Variants in GSE1 observed in about 807,000 individuals in gnomAD.
The protein encoded by GSE1 is Gse1 coiled-coil protein.
In GSE1, 32 loss-of-function variants were observed where a neutral mutation model predicts 112.6. The ratio of observed to expected loss-of-function variants is 0.28; its 90% CI spans 0.21 to 0.38. GSE1 has a LOEUF of 0.38. Among genes scored for constraint, GSE1 ranks in the 10% least tolerant of loss-of-function variants. The pLI, the probability that GSE1 is intolerant of heterozygous loss-of-function variation, is 1.00. For synonymous variants in GSE1, 1,115 were observed against 735.6 expected, an observed-to-expected ratio of 1.52 and a Z score of -8.35; for missense variants, 2,348 against 1,699.2, an observed-to-expected ratio of 1.38 and a Z score of -6.71.
intron 2 of GSE1, among the ~76,000 whole-genome samples, chr16:85,381,496 C>T (rs1285344151): frequency 2.0e-5 from 3 of 152,132 alleles, no homozygotes; most frequent in Non-Finnish European, 4.4e-5. Context: ...TGATAGGCCA[C>T]GGTATCCTTT....
intron 2 of GSE1, among the ~76,000 whole-genome samples, chr16:85,381,530 C>T (rs916944326): frequency 2.6e-5 from 4 of 152,204 alleles, no homozygotes; most frequent in African/African-American, 4.8e-5. Flanking sequence ...CAAGCACATA[C>T]GTAGCTCTTG....
chr16:85,642,049 G>A (rs1356993769), intron 2 of GSE1, among the ~76,000 whole-genome samples: 9 of 152,248 alleles, frequency 5.9e-5, no homozygotes, highest in South Asian at 2.1e-4. Context: ...AGCCTACACC[G>A]GCTGAGGGCC....
rs2151733210 is a variant in GSE1, at chr16:85,419,047, G to A, written c.2464+61404G>A. ...ACACTGTGCGGAGATCCAACTGGCAGTTGGATATTTGAGTCTGGAGCTATG... is the reference window on the plus strand; with the variant it reads ...ACACTGTGCGGAGATCCAACTGGCAATTGGATATTTGAGTCTGGAGCTATG... On this transcript the variant is annotated intron_variant, in intron 2 of 2. Transcript: ENST00000637419. The surrounding 1 kb of genome is among the most constrained non-coding windows in gnomAD (Gnocchi z 6.5). Among the ~76,000 whole-genome samples the A allele has an allele frequency of 6.6e-6, 1 of 152,304 alleles. No individual in the cohort carries two copies. Among genetic ancestry groups the A allele is most frequent in the Middle Eastern group, 3.4e-3 (1 of 294 alleles).
At chr16:85,665,156 C>T (rs1176393147) in intron 12 of GSE1, 28 bp downstream of exon 12, 2 of 1,337,704 alleles carry the variant, frequency 1.5e-6, no homozygotes, top group South Asian at 1.2e-5. Flanking sequence ...CCACCTGCCA[C>T]CACCCAGGAC....
At chr16:85,635,510 CT>C (rs1436965046) in intron 2 of GSE1, among the ~76,000 whole-genome samples, 2 of 148,804 alleles carry the variant, frequency 1.3e-5, no homozygotes, top group Admixed American at 6.7e-5. Context: ...CCTGGACTCT[CT>C]GGGGCGGTGA....
At chr16:85,456,695 T>C (rs1022841182) in intron 2 of GSE1, among the ~76,000 whole-genome samples, 6 of 150,414 alleles carry the variant, frequency 4.0e-5, no homozygotes, top group Non-Finnish European at 7.4e-5. Flanking sequence ...AAGTGGTATT[T>C]AAAGAAGATT....
rs745732258 is a variant in GSE1, at chr16:85,665,985, C to G, written c.2768C>G (p.Thr923Arg). 1 of 1,613,050 alleles carries G rather than the reference C, an allele frequency of 6.2e-7. No homozygotes were observed. Among genetic ancestry groups the G allele is most frequent in the South Asian group, 1.1e-5 (1 of 91,074 alleles). Residue 923 changes from threonine (T) to arginine (R), a missense_variant, in exon 13 of 16, where the codon ACG becomes AGG. Physicochemically the swap from Thr to Arg is moderately conservative, Grantham distance 71. Transcript: ENST00000253458. ...SPAVSLSEPA[T>R]QQASLDVEKP... ...ACTTTGTCTCTAAAAGAACCAGCCA[C>G]GCAGCAAGCCTCTCTGGATGTGGAG... is the stretch of plus-strand genomic sequence containing the variant.
intron 1 of GSE1, among the ~76,000 whole-genome samples, chr16:85,174,304 G>C (rs1350254192): frequency 6.6e-6 from 1 of 152,214 alleles, no homozygotes; most frequent in African/African-American, 2.4e-5. Flanking sequence ...AAAGAAAGTG[G>C]AACGGACTGA....
chr16:85,395,388 C>G (rs1267821952), intron 2 of GSE1, among the ~76,000 whole-genome samples: 1 of 152,150 alleles, frequency 6.6e-6, no homozygotes, highest in South Asian at 2.1e-4. Context: ...GTGAGAAGGA[C>G]CATAGGAATC....
intron 1 of GSE1, among the ~76,000 whole-genome samples, chr16:85,344,085 G>C (rs1053590151): frequency 6.6e-6 from 1 of 152,310 alleles, no homozygotes; most frequent in Admixed American, 6.5e-5. Flanking sequence ...GGGCCTGGGA[G>C]TGCTGTTCCC....
intron 11 of GSE1, among the ~76,000 whole-genome samples, chr16:85,664,298 C>A (rs146009607): frequency 6.6e-6 from 1 of 152,226 alleles, no homozygotes; most frequent in Non-Finnish European, 1.5e-5. Context: ...GGCCTCCTCT[C>A]TGGGAGAAAG....
intron 1 of GSE1, among the ~76,000 whole-genome samples, chr16:85,266,237 C>T (rs759877758): frequency 4.6e-5 from 7 of 152,092 alleles, no homozygotes; most frequent in Non-Finnish European, 7.4e-5. Flanking sequence ...CAGCTCCGGG[C>T]GAGACTGCTG....
rs777632137 is a variant in GSE1, at chr16:85,661,136, C to G, written c.1641-10C>G. On this transcript the variant is annotated splice_polypyrimidine_tract_variant and intron_variant, in intron 8 of 15. Coordinates refer to ENST00000253458, the MANE Select transcript of GSE1 (RefSeq NM_014615.5). ...TTCTCCCTGACTGAAGGGTTGGTTT[C>G]ACTCCCTAGGCCAGGACCAAACCGT... 1 of 1,555,710 alleles carries G rather than the reference C, an allele frequency of 6.4e-7. No homozygotes were observed. The highest frequency in any genetic ancestry group is 8.7e-7 in the Non-Finnish European group (1 of 1,146,118).
intron 14 of GSE1, 111 bp from the exon 15 acceptor site, chr16:85,670,884 C>A: frequency 1.4e-6 from 1 of 697,860 alleles, no homozygotes; most frequent in East Asian, 2.6e-5. Flanking sequence ...TCGCTGGCTG[C>A]ACTGGAGAGA....
chr16:85,177,357 C>T (rs78722421), intron 1 of GSE1, among the ~76,000 whole-genome samples: 3,712 of 152,302 alleles, frequency 0.024, 149 homozygotes, highest in African/African-American at 0.085. Flanking sequence ...GAATTCAGGG[C>T]CCTCTTCCGC....
chr16:85,382,206 G>C (rs1478605231), intron 2 of GSE1, among the ~76,000 whole-genome samples: 1 of 152,174 alleles, frequency 6.6e-6, no homozygotes, highest in Admixed American at 6.5e-5. Context: ...GCCCTCGATG[G>C]CTCATCTCCC....
intron 1 of GSE1, among the ~76,000 whole-genome samples, chr16:85,350,798 A>C (rs1267095516): frequency 6.6e-6 from 1 of 152,010 alleles, no homozygotes; most frequent in African/African-American, 2.4e-5. Context: ...TTTCTTCGAG[A>C]CGGACTCTTG....
intron 2 of GSE1, among the ~76,000 whole-genome samples, chr16:85,521,777 A>G (rs1313938122): frequency 6.6e-6 from 1 of 152,238 alleles, no homozygotes; most frequent in East Asian, 1.9e-4. Flanking sequence ...GAGAGGGGCC[A>G]GCCTCTTTCT....
intron 1 of GSE1, among the ~76,000 whole-genome samples, chr16:85,598,555 A>T (rs1382842913): frequency 1.3e-5 from 2 of 152,286 alleles, no homozygotes; most frequent in Non-Finnish European, 2.9e-5. Context: ...ATAGCTGAGC[A>T]GGAACTTCTA....
Sources: allele counts gnomAD v4.1 joint callset (sites outside exome capture counted in the v4.1 genomes callset), GRCh38; gene constraint gnomAD v4.1.1; non-coding constraint Gnocchi (gnomAD v3.1); transcripts MANE v1.5; gene names NCBI Gene and HGNC (gene_info 2026-07-23, HGNC 2026-07-21).